The following ASTN2 variants were observed in gnomAD, a reference collection of about 807,000 sequenced individuals.
ASTN2 encodes the protein astrotactin 2, also known as astrotactin-2.
Under a neutral mutation model 139.8 loss-of-function variants are expected in ASTN2, and 54 were observed. That is an observed-to-expected ratio of 0.39 (90% CI 0.31 to 0.48). The LOEUF is 0.48. ASTN2 is among the 20% of genes least tolerant of loss of function. The pLI, the probability that ASTN2 is intolerant of heterozygous loss-of-function variation, is 0.95. For missense variants in ASTN2, 1,565 were observed against 1,725.1 expected, an observed-to-expected ratio of 0.91 and a Z score of 1.64; for synonymous variants, 756 against 719.5, an observed-to-expected ratio of 1.05 and a Z score of -0.81.
intron 20 of ASTN2, among the ~76,000 whole-genome samples, chr9:116,462,209 T>C (rs1848508415): frequency 6.6e-6 from 1 of 152,186 alleles, no homozygotes; most frequent in Non-Finnish European, 1.5e-5. Flanking sequence ...TTTGAACTGA[T>C]GAAGCACATA....
intron 10 of ASTN2, among the ~76,000 whole-genome samples, chr9:116,880,296 C>A (rs895946235): frequency 6.6e-6 from 1 of 152,094 alleles, no homozygotes; most frequent in South Asian, 2.1e-4. Flanking sequence ...CCAGCATAGA[C>A]CCCAGATTAA....
At chr9:117,012,079 C>G (rs1408085412) in intron 6 of ASTN2, among the ~76,000 whole-genome samples, 1 of 152,126 alleles carries the variant, frequency 6.6e-6, no homozygotes, top group African/African-American at 2.4e-5. Flanking sequence ...CATACTAGGA[C>G]TTTAGTGAAT....
intron 19 of ASTN2, chr9:116,568,935 C>T (rs571381091): frequency 6.6e-6 from 1 of 152,046 alleles, no homozygotes; most frequent in African/African-American, 2.4e-5. Context: ...CAAGGTGAGG[C>T]CTTTTTTTAC....
chr9:116,707,664 G>GCAA (rs1351573954), intron 16 of ASTN2, among the ~76,000 whole-genome samples: 5 of 152,112 alleles, frequency 3.3e-5, no homozygotes, highest in Admixed American at 2.6e-4. Flanking sequence ...AAGAATTTTT[G>GCAA]CAACAACAAC....
At chr9:116,508,879 T>C (rs889231930) in intron 19 of ASTN2, among the ~76,000 whole-genome samples, 3 of 152,136 alleles carry the variant, frequency 2.0e-5, no homozygotes, top group African/African-American at 7.2e-5. Context: ...TCAGGGATAT[T>C]GGGCAAGGAA....
chr9:117,383,288 A>C (rs981859429), intron 1 of ASTN2, among the ~76,000 whole-genome samples: 1 of 152,160 alleles, frequency 6.6e-6, no homozygotes, highest in Non-Finnish European at 1.5e-5. Context: ...TACTGTTTGT[A>C]TCCATTTATA....
intron 2 of ASTN2, among the ~76,000 whole-genome samples, chr9:117,234,915 C>T (rs746607111): frequency 3.3e-5 from 5 of 152,130 alleles, no homozygotes; most frequent in Non-Finnish European, 5.9e-5. Context: ...GGTAAGCAAT[C>T]GGTGTCTGCT....
chr9:116,455,428 A>G (rs1848304942), intron 20 of ASTN2, among the ~76,000 whole-genome samples: 1 of 152,032 alleles, frequency 6.6e-6, no homozygotes, highest in South Asian at 2.1e-4. Context: ...TTTAAAACCC[A>G]TGTGACATTT....
At chr9:116,570,651 C>A (rs1342019085) in intron 19 of ASTN2, among the ~76,000 whole-genome samples, 3 of 152,214 alleles carry the variant, frequency 2.0e-5, no homozygotes, top group Admixed American at 6.5e-5. Flanking sequence ...CCCGCCTTGG[C>A]CTCCCAAAGT....
intron 19 of ASTN2, among the ~76,000 whole-genome samples, chr9:116,530,134 TATATATATATATATATAA>T (rs1238204774): frequency 0.052 from 1,554 of 30,088 alleles, 145 homozygotes; most frequent in African/African-American, 0.15. Context: ...TATATATATA[TATATATATATATATATAA>T]AATAGAATAT....
intron 19 of ASTN2, among the ~76,000 whole-genome samples, chr9:116,578,619 CGTGTGT>C (rs71377254): frequency 0.2 from 27,010 of 137,400 alleles, 3,061 homozygotes; most frequent in South Asian, 0.43. Flanking sequence ...CTGGCTCCAA[CGTGTGT>C]GTGTGTGTGT....
chr9:116,520,337 T>C (rs1046001334), intron 19 of ASTN2, among the ~76,000 whole-genome samples: 2 of 152,162 alleles, frequency 1.3e-5, no homozygotes, highest in African/African-American at 4.8e-5. Context: ...GATGCAGGGA[T>C]GGTTTAACAC....
At chr9:116,621,132 G>A (rs774421737) in intron 17 of ASTN2, among the ~76,000 whole-genome samples, 30 of 152,060 alleles carry the variant, frequency 2.0e-4, no homozygotes, top group Non-Finnish European at 3.7e-4. Context: ...TCTAAATCAG[G>A]AGCCAGAAAA....
chr9:117,011,664 G>C (rs1837540253), intron 6 of ASTN2, among the ~76,000 whole-genome samples: 1 of 152,158 alleles, frequency 6.6e-6, no homozygotes, highest in African/African-American at 2.4e-5. Flanking sequence ...AATGTCCTCT[G>C]CTCATTCGTG....
At chr9:116,795,951 G>A (rs1487689232) in intron 13 of ASTN2, among the ~76,000 whole-genome samples, 4 of 152,150 alleles carry the variant, frequency 2.6e-5, no homozygotes, top group Admixed American at 6.5e-5. Flanking sequence ...GGGCAGACAC[G>A]GGATTTGGAC....
chr9:116,649,886 G>A (rs186347577), intron 17 of ASTN2, among the ~76,000 whole-genome samples: 18 of 152,280 alleles, frequency 1.2e-4, no homozygotes, highest in African/African-American at 4.1e-4. Flanking sequence ...AAATGATCAG[G>A]ATTCATTTTG....
intron 2 of ASTN2, among the ~76,000 whole-genome samples, chr9:117,244,977 C>T (rs1833336021): frequency 6.6e-6 from 1 of 152,094 alleles, no homozygotes; most frequent in South Asian, 2.1e-4. Flanking sequence ...TCAATGAATA[C>T]AGACCTGCCC....
intron 19 of ASTN2, among the ~76,000 whole-genome samples, chr9:116,508,539 G>C (rs1277843656): frequency 1.3e-5 from 2 of 152,096 alleles, no homozygotes; most frequent in Non-Finnish European, 2.9e-5. Flanking sequence ...CCTAACCTAT[G>C]AAGGTATCAT....
At chr9:117,321,658 T>C (rs987952478) in intron 1 of ASTN2, among the ~76,000 whole-genome samples, 2 of 152,208 alleles carry the variant, frequency 1.3e-5, no homozygotes, top group African/African-American at 4.8e-5. Context: ...GGGGATGTTC[T>C]GTGATTCATC....
Sources: gnomAD v4.1 joint callset for allele counts (sites outside exome capture counted in the v4.1 genomes callset) on GRCh38, gnomAD v4.1.1 for gene constraint, MANE v1.5 for transcripts, NCBI Gene and HGNC (gene_info 2026-07-23, HGNC 2026-07-21) for gene names.